Variants in FAM151B observed in about 807,000 individuals in gnomAD.
FAM151B encodes the protein protein FAM151B.
Under a neutral mutation model 31.2 loss-of-function variants are expected in FAM151B, and 24 were observed. The observed-to-expected ratio is 0.77, with a 90% CI of 0.56 to 1.08. The LOEUF is 1.08. Ranked by LOEUF, FAM151B falls within the 50% of genes least tolerant of loss-of-function variation. FAM151B has a pLI of 0.00. For synonymous variants in FAM151B, 105 were observed against 111.4 expected (o/e 0.94, Z 0.36); for missense variants, 293 against 328.6 (o/e 0.89, Z 0.84).
At chr5:80,531,525 C>CA (rs914736105) in intron 5 of FAM151B, among the ~76,000 whole-genome samples, 6 of 152,032 alleles carry the variant, frequency 3.9e-5, no homozygotes, top group Admixed American at 2.6e-4. Context: ...ACAAAGAACT[C>CA]AAACAAATTT....
chr5:80,529,609 C>A (rs1472861581), intron 5 of FAM151B, among the ~76,000 whole-genome samples: 1 of 152,168 alleles, frequency 6.6e-6, no homozygotes, highest in African/African-American at 2.4e-5. Context: ...ACTATAAACA[C>A]CTCTACGCAA....
chr5:80,506,060 A>G (rs945467262), intron 2 of FAM151B: 13 of 985,908 alleles, frequency 1.3e-5, no homozygotes, highest in Non-Finnish European at 1.6e-5. Flanking sequence ...CCGGCCAAGA[A>G]CTTTACTTTT....
chr5:80,516,083 G>A (rs767304090), intron 3 of FAM151B, among the ~76,000 whole-genome samples: 1 of 152,172 alleles, frequency 6.6e-6, no homozygotes, highest in African/African-American at 2.4e-5. Flanking sequence ...CCAGCACTTT[G>A]GTAGGCCAAG....
Position 80,497,907 on chromosome 5 carries a change from C to T in FAM151B, c.26-3885C>T, listed in dbSNP as rs541280431. On this transcript the variant is annotated intron_variant, in intron 1 of 5. Coordinates refer to ENST00000282226, the MANE Select transcript of FAM151B (RefSeq NM_205548.3). Reference sequence around the variant, plus strand: ...TGTATACATATGTAACAAACCTGCACGTTGTGCACATGTACCCTAGAACTT... The same window carrying T: ...TGTATACATATGTAACAAACCTGCATGTTGTGCACATGTACCCTAGAACTT... Among the ~76,000 whole-genome samples the T allele has an allele frequency of 2.8e-4, 43 of 151,844 alleles. 2 individuals carry two copies. The South Asian group carries it at 8.2e-3, about 29-fold the overall frequency.
intron 2 of FAM151B, among the ~76,000 whole-genome samples, chr5:80,507,718 G>A (rs1744021322): frequency 6.6e-6 from 1 of 152,118 alleles, no homozygotes; most frequent in Admixed American, 6.5e-5. Context: ...TTTGGAGAAA[G>A]GGGTGCTATT....
chr5:80,498,272 TGTTTTCA>T (rs1192876013), intron 1 of FAM151B, among the ~76,000 whole-genome samples: 3 of 152,194 alleles, frequency 2.0e-5, no homozygotes, highest in Non-Finnish European at 4.4e-5. Flanking sequence ...TAGGGCCACG[TGTTTTCA>T]GTGAGAGACT....
intron 5 of FAM151B, among the ~76,000 whole-genome samples, chr5:80,536,596 G>A (rs1156372768): frequency 6.6e-6 from 1 of 152,138 alleles, no homozygotes; most frequent in Non-Finnish European, 1.5e-5. Flanking sequence ...GCTGTACTTC[G>A]ATGTTTGTTG....
intron 5 of FAM151B, among the ~76,000 whole-genome samples, chr5:80,526,453 CAA>C (rs35345817): frequency 2.3e-4 from 29 of 126,980 alleles, no homozygotes; most frequent in Admixed American, 2.4e-4. Context: ...TACTAAAGTC[CAA>C]AAAAAAAAAA....
intron 1 of FAM151B, among the ~76,000 whole-genome samples, chr5:80,488,405 CTT>C (rs1324557678): frequency 1.3e-5 from 2 of 152,222 alleles, no homozygotes; most frequent in Non-Finnish European, 2.9e-5. Flanking sequence ...GGGTCAGTGT[CTT>C]TTGAGGTCTG....
At chr5:80,505,965 C>T in intron 2 of FAM151B, 1 of 337,292 alleles carries the variant, frequency 3.0e-6, no homozygotes, top group South Asian at 6.2e-5. Flanking sequence ...ACCGTGTTGG[C>T]CAGACTGGTC....
intron 1 of FAM151B, chr5:80,501,017 T>C: frequency 1.9e-6 from 1 of 532,960 alleles, no homozygotes; most frequent in Non-Finnish European, 3.3e-6. Flanking sequence ...TTTTATTTTA[T>C]TTTATTTTAT....
At chr5:80,504,072 A>G (rs1189399390) in intron 2 of FAM151B, among the ~76,000 whole-genome samples, 1 of 152,104 alleles carries the variant, frequency 6.6e-6, no homozygotes, top group African/African-American at 2.4e-5. Context: ...CTGCTTATTG[A>G]TGTTTCCACT....
intron 2 of FAM151B, among the ~76,000 whole-genome samples, chr5:80,507,871 C>T (rs963988421): frequency 3.1e-4 from 47 of 152,156 alleles, no homozygotes; most frequent in African/African-American, 1.1e-3. Context: ...GCTACGCTCC[C>T]TCCTCCTTGG....
At chr5:80,518,507 TAA>T (rs2112637586) in intron 3 of FAM151B, among the ~76,000 whole-genome samples, 1 of 152,248 alleles carries the variant, frequency 6.6e-6, no homozygotes, top group South Asian at 2.1e-4. Flanking sequence ...AGGGAGAATT[TAA>T]AAGAGACAAA....
chr5:80,531,565 A>G (rs531062676), intron 5 of FAM151B, among the ~76,000 whole-genome samples: 18 of 152,334 alleles, frequency 1.2e-4, no homozygotes, highest in African/African-American at 4.1e-4. Context: ...ACCCCATCAA[A>G]AAGTGGGCGA....
chr5:80,520,891 C>T (rs1340507964), intron 4 of FAM151B, among the ~76,000 whole-genome samples: 2 of 148,334 alleles, frequency 1.3e-5, no homozygotes, highest in South Asian at 2.1e-4. Context: ...TTACTGCAAC[C>T]TCCACCTCCC....
chr5:80,496,357 G>A (rs1487198337), intron 1 of FAM151B, among the ~76,000 whole-genome samples: 2 of 152,148 alleles, frequency 1.3e-5, no homozygotes, highest in East Asian at 3.8e-4. Flanking sequence ...ACACTTTTTA[G>A]CAATAAAGTA....
At chr5:80,532,795 A>G (rs1407050199) in intron 5 of FAM151B, among the ~76,000 whole-genome samples, 2 of 152,250 alleles carry the variant, frequency 1.3e-5, no homozygotes, top group Non-Finnish European at 2.9e-5. Flanking sequence ...AATAATATCA[A>G]GCATCTTCTC....
chr5:80,502,006 G>A, intron 2 of FAM151B, 89 bp downstream of exon 2: 1 of 992,190 alleles, frequency 1.0e-6, no homozygotes. Context: ...GCAGATACTA[G>A]AGACAGGTGA....
Sources: allele counts gnomAD v4.1 joint callset (sites outside exome capture counted in the v4.1 genomes callset), GRCh38; gene constraint gnomAD v4.1.1; transcripts MANE v1.5; gene names NCBI Gene and HGNC (gene_info 2026-07-23, HGNC 2026-07-21).